CCSER1: variants seen among roughly 807,000 people sequenced by gnomAD.
The protein encoded by CCSER1 is serine-rich coiled-coil domain-containing protein 1.
Under a neutral mutation model 82.0 loss-of-function variants are expected in CCSER1, and 41 were observed. That is an observed-to-expected ratio of 0.50 (90% CI 0.39 to 0.65). CCSER1 has a LOEUF of 0.65. Among genes scored for constraint, CCSER1 ranks in the 30% least tolerant of loss-of-function variants. The pLI is 0.00. For synonymous variants in CCSER1, 414 were observed against 383.9 expected (o/e 1.08, Z -0.92); for missense variants, 1,119 against 1,064.2 (o/e 1.05, Z -0.72).
chr4:91,349,313 C>T (rs72880812), intron 10 of CCSER1, among the ~76,000 whole-genome samples: 10,043 of 151,958 alleles, frequency 0.066, 1,102 homozygotes, highest in African/African-American at 0.23. Flanking sequence ...TAAATTTTTC[C>T]CTAATTTCCT....
intron 10 of CCSER1, among the ~76,000 whole-genome samples, chr4:91,090,042 G>A (rs549776041): frequency 2.4e-4 from 36 of 152,226 alleles, no homozygotes; most frequent in African/African-American, 6.0e-4. Flanking sequence ...GCTTGCAACC[G>A]TATGATTCAG....
intron 3 of CCSER1, among the ~76,000 whole-genome samples, chr4:90,389,311 G>A (rs986261896): frequency 6.6e-6 from 1 of 152,156 alleles, no homozygotes; most frequent in Non-Finnish European, 1.5e-5. Context: ...GCATTACTCG[G>A]AAATGCTAAG....
intron 10 of CCSER1, among the ~76,000 whole-genome samples, chr4:91,292,099 G>T (rs1743793715): frequency 6.6e-6 from 1 of 152,112 alleles, no homozygotes; most frequent in South Asian, 2.1e-4. Context: ...AAGGCGAATA[G>T]AAGTTAGTTG....
At chr4:91,133,481 T>A (rs1728182458) in intron 10 of CCSER1, among the ~76,000 whole-genome samples, 1 of 152,166 alleles carries the variant, frequency 6.6e-6, no homozygotes, top group Non-Finnish European at 1.5e-5. Context: ...AGAAGAAATT[T>A]TAAAATATGG....
chr4:91,533,994 C>T (rs1761163611), intron 10 of CCSER1, among the ~76,000 whole-genome samples: 2 of 151,998 alleles, frequency 1.3e-5, no homozygotes, highest in South Asian at 2.1e-4. Flanking sequence ...CCTTGAGACT[C>T]TGCTTCATAT....
intron 10 of CCSER1, chr4:91,319,094 G>T (rs866432923): frequency 2.5e-5 from 7 of 282,922 alleles, no homozygotes; most frequent in African/African-American, 1.4e-4. Flanking sequence ...TTAACAGATG[G>T]TAATTAAGAC....
chr4:91,229,486 A>G (rs560695373), intron 10 of CCSER1, among the ~76,000 whole-genome samples: 34 of 152,206 alleles, frequency 2.2e-4, no homozygotes, highest in Middle Eastern at 6.8e-3. Flanking sequence ...TAATTCTTGC[A>G]AAGTTTAAAA....
At chr4:90,519,550 T>A (rs771628975) in intron 5 of CCSER1, among the ~76,000 whole-genome samples, 5 of 151,980 alleles carry the variant, frequency 3.3e-5, no homozygotes, top group Non-Finnish European at 5.9e-5. Flanking sequence ...TATTTTTGAA[T>A]TGGTATTAAT....
chr4:91,062,357 A>G (rs913336024), intron 9 of CCSER1, among the ~76,000 whole-genome samples: 2 of 152,062 alleles, frequency 1.3e-5, no homozygotes, highest in Non-Finnish European at 2.9e-5. Context: ...TGCGAGTCCA[A>G]CAGATCCTTG....
At chr4:91,006,404 A>T (rs1313436407) in intron 9 of CCSER1, among the ~76,000 whole-genome samples, 2 of 151,154 alleles carry the variant, frequency 1.3e-5, no homozygotes, top group Non-Finnish European at 2.9e-5. Flanking sequence ...TTATTTAGGG[A>T]TTTCTATATA....
At chr4:91,027,328 A>G (rs1479501375) in intron 9 of CCSER1, among the ~76,000 whole-genome samples, 7 of 152,016 alleles carry the variant, frequency 4.6e-5, no homozygotes, top group Admixed American at 4.6e-4. Context: ...CACATAAGTA[A>G]TGACTAATGA....
At chr4:91,248,837 T>G (rs1199182399) in intron 10 of CCSER1, among the ~76,000 whole-genome samples, 2 of 152,210 alleles carry the variant, frequency 1.3e-5, no homozygotes, top group African/African-American at 4.8e-5. Context: ...TTGTGGATAC[T>G]GGAACTGGTA....
At chr4:91,183,253 C>A (rs1188481653) in intron 10 of CCSER1, among the ~76,000 whole-genome samples, 2 of 152,168 alleles carry the variant, frequency 1.3e-5, no homozygotes, top group Non-Finnish European at 2.9e-5. Flanking sequence ...CATTAATAGG[C>A]ATAGCAAAAG....
intron 9 of CCSER1, among the ~76,000 whole-genome samples, chr4:90,981,864 CT>C (rs1284213698): frequency 6.6e-5 from 10 of 151,490 alleles, no homozygotes; most frequent in Non-Finnish European, 4.4e-5. Context: ...TTACCTAAGG[CT>C]AAGAGAAGTA....
intron 3 of CCSER1, among the ~76,000 whole-genome samples, chr4:90,340,032 G>T (rs2153503646): frequency 6.6e-6 from 1 of 152,016 alleles, no homozygotes; most frequent in Non-Finnish European, 1.5e-5. Context: ...TTTCTAATTT[G>T]TTTTAACCTT....
chr4:90,526,834 G>A (rs975291122), intron 5 of CCSER1, among the ~76,000 whole-genome samples: 6 of 152,206 alleles, frequency 3.9e-5, no homozygotes, highest in East Asian at 1.9e-4. Context: ...ATAAACATAC[G>A]TGTGCATGTG....
At chr4:90,167,050 T>C (rs1452474540) in intron 1 of CCSER1, among the ~76,000 whole-genome samples, 1 of 152,090 alleles carries the variant, frequency 6.6e-6, no homozygotes, top group Non-Finnish European at 1.5e-5. Context: ...TTTATTATAA[T>C]TGATTGTAAC....
intron 3 of CCSER1, 67 bp downstream of exon 3, chr4:90,313,114 T>G (rs1414648281): frequency 2.4e-6 from 3 of 1,261,310 alleles, no homozygotes; most frequent in South Asian, 2.6e-5. Flanking sequence ...TTCATGTCTC[T>G]TGCAAAATGA....
In CCSER1 at chr4:90,601,226, T is replaced by C. The variant is rs1301728478; in HGVS notation, c.1725-26799T>C. Among the ~76,000 whole-genome samples the C allele has an allele frequency of 2.0e-5, 3 of 152,054 alleles. No individual in the cohort carries two copies. The East Asian group carries it at 5.8e-4, about 29-fold the overall frequency. On this transcript the variant is annotated intron_variant, in intron 5 of 10. Coordinates refer to ENST00000509176, the MANE Select transcript of CCSER1 (RefSeq NM_001145065.2). ...TGGAAACAGCAGACATCCCTGTTTT[T>C]TTCTTTAATCTTCAGGTGAAGCATT...
Sources: allele counts gnomAD v4.1 joint callset (sites outside exome capture counted in the v4.1 genomes callset), GRCh38; gene constraint gnomAD v4.1.1; transcripts MANE v1.5; gene names NCBI Gene and HGNC (gene_info 2026-07-23, HGNC 2026-07-21).